The following MSH4 variants were observed in gnomAD, a reference collection of about 807,000 sequenced individuals.
MSH4 encodes the protein mutS protein homolog 4.
Under a neutral mutation model 113.7 loss-of-function variants are expected in MSH4, and 106 were observed. The observed-to-expected ratio is 0.93, with a 90% CI of 0.80 to 1.10. MSH4 has a LOEUF of 1.10. Among genes scored for constraint, MSH4 ranks in the 50% least tolerant of loss-of-function variants. The pLI is 0.00. For missense variants in MSH4, 1,061 were observed against 1,093.7 expected, an observed-to-expected ratio of 0.97 and a Z score of 0.42; for synonymous variants, 368 against 380.2, an observed-to-expected ratio of 0.97 and a Z score of 0.37.
At chr1:75,883,518 A>T in intron 14 of MSH4, 103 bp from the exon 15 acceptor site, 1 of 869,356 alleles carries the variant, frequency 1.2e-6, no homozygotes, top group Non-Finnish European at 1.7e-6. Flanking sequence ...TTCCAAATTG[A>T]CCAGTGTGAA....
intron 17 of MSH4, among the ~76,000 whole-genome samples, chr1:75,896,549 G>A (rs1652389099): frequency 6.6e-6 from 1 of 151,796 alleles, no homozygotes; most frequent in African/African-American, 2.4e-5. Context: ...ACAGGTTCAA[G>A]CATACAGTAT....
chr1:75,906,108 A>T (rs2100594883), intron 19 of MSH4, among the ~76,000 whole-genome samples: 1 of 151,950 alleles, frequency 6.6e-6, no homozygotes, highest in South Asian at 2.1e-4. Context: ...CTTCTGCCTC[A>T]GCCTCCCAAG....
chr1:75,876,015 C>T (rs755989031), intron 9 of MSH4, among the ~76,000 whole-genome samples: 3 of 151,988 alleles, frequency 2.0e-5, no homozygotes, highest in Admixed American at 1.3e-4. Flanking sequence ...ATAAAATTAC[C>T]TCAGGCTATG....
chr1:75,890,201 G>A (rs1184778837), intron 16 of MSH4, among the ~76,000 whole-genome samples: 1 of 151,966 alleles, frequency 6.6e-6, no homozygotes, highest in African/African-American at 2.4e-5. Flanking sequence ...GTCTCCATTG[G>A]TCATGGATTT....
At chr1:75,881,075 A>G (rs529683777) in intron 13 of MSH4, among the ~76,000 whole-genome samples, 171 bp from the exon 14 acceptor site, 82 of 152,146 alleles carry the variant, frequency 5.4e-4, no homozygotes, top group African/African-American at 1.1e-3. Context: ...AAAAACTTCA[A>G]TTTCCTCATC....
chr1:75,797,202 C>T lies in MSH4; in HGVS notation c.217C>T (p.Pro73Ser), dbSNP rs758393268. The T allele has an allele frequency of 6.2e-7, 1 of 1,606,732 alleles. No homozygotes were observed. The highest frequency in any genetic ancestry group is 1.1e-5 in the South Asian group (1 of 90,052). ...RSSSSSSLPC[P>S]APNSRPAQGS... The stretch of plus-strand genomic sequence containing the variant: ...CAGCAGCAGCAGCAGCCTTCCCTGC[C>T]CCGCGCCAAACTCCCGGCCAGCTCA... Residue 73 changes from proline (P) to serine (S), a missense_variant, in exon 1 of 20, where the codon CCC (proline) becomes TCC (serine). By Grantham distance (74) the Pro-to-Ser change is moderately conservative. Transcript: ENST00000263187.
At chr1:75,867,424 A>G (rs1570976865) in intron 8 of MSH4, 90 bp from the exon 9 acceptor site, 1 of 735,510 alleles carries the variant, frequency 1.4e-6, no homozygotes, top group East Asian at 2.7e-5. Context: ...TATATGGGAT[A>G]TGGAAAGAGT....
chr1:75,836,238 C>T (rs1650824479), intron 7 of MSH4, among the ~76,000 whole-genome samples: 1 of 151,780 alleles, frequency 6.6e-6, no homozygotes, highest in Non-Finnish European at 1.5e-5. Context: ...CTTCTCTGTC[C>T]TTTTCTCACT....
intron 7 of MSH4, among the ~76,000 whole-genome samples, chr1:75,845,557 C>T (rs1651058523): frequency 1.3e-5 from 2 of 152,204 alleles, no homozygotes; most frequent in East Asian, 3.9e-4. Flanking sequence ...CCATATCCCA[C>T]ATCAGGGGCA....
rs1467431530 is a variant in MSH4 at position 75,863,416 on chromosome 1, G to C, written c.1231-4098G>C. On this transcript the variant is annotated intron_variant, in intron 8 of 19. Transcript: ENST00000263187. The stretch of plus-strand genomic sequence containing the variant: ...AGGCACAAGACGCTTGGGTCAAAGA[G>C]AAATATAAACATGCTATTATCGCTT... 2.6e-5 allele frequency among the ~76,000 whole-genome samples: 4 copies of C among 152,102 alleles called. No individual in the cohort carries two copies. In the East Asian group the frequency reaches 7.7e-4, roughly 29 times the overall value.
chr1:75,833,880 A>G (rs996344329), intron 7 of MSH4, among the ~76,000 whole-genome samples: 3 of 152,232 alleles, frequency 2.0e-5, no homozygotes, highest in Non-Finnish European at 4.4e-5. Flanking sequence ...ATGGGCAAGG[A>G]CTTCATGACT....
intron 17 of MSH4, among the ~76,000 whole-genome samples, chr1:75,892,333 G>A (rs974711345): frequency 1.3e-5 from 2 of 151,936 alleles, no homozygotes; most frequent in African/African-American, 4.8e-5. Context: ...AATCACATGA[G>A]CCAGTTTCTT....
intron 19 of MSH4, 22 bp from the exon 20 acceptor site, chr1:75,912,674 A>ATAT (rs1557537442): frequency 4.4e-6 from 3 of 683,952 alleles, no homozygotes; most frequent in African/African-American, 2.2e-5. Flanking sequence ...ATATATATAT[A>ATAT]TTTTTTTTTT....
intron 7 of MSH4, among the ~76,000 whole-genome samples, chr1:75,825,375 G>A (rs1167583096): frequency 1.3e-5 from 2 of 152,046 alleles, no homozygotes; most frequent in Non-Finnish European, 2.9e-5. Flanking sequence ...TGAGACGATG[G>A]GGTTTTCTAA....
chr1:75,819,390 T>C (rs1371726137), intron 6 of MSH4, among the ~76,000 whole-genome samples: 1 of 152,164 alleles, frequency 6.6e-6, no homozygotes, highest in Non-Finnish European at 1.5e-5. Context: ...CTCAGGAGGC[T>C]GAGGCATGAG....
At chr1:75,905,995 C>A (rs1184961615) in intron 19 of MSH4, among the ~76,000 whole-genome samples, 1 of 151,554 alleles carries the variant, frequency 6.6e-6, no homozygotes, top group Non-Finnish European at 1.5e-5. Flanking sequence ...TATTTTATTT[C>A]TTTTATTTTT....
chr1:75,851,422 T>C (rs1651184479), intron 8 of MSH4, among the ~76,000 whole-genome samples: 1 of 152,146 alleles, frequency 6.6e-6, no homozygotes, highest in African/African-American at 2.4e-5. Context: ...TTTTTTATTT[T>C]ATTTTTTGGG....
chr1:75,871,118 G>A (rs1269264062), intron 9 of MSH4, among the ~76,000 whole-genome samples: 1 of 152,078 alleles, frequency 6.6e-6, no homozygotes, highest in African/African-American at 2.4e-5. Flanking sequence ...GAAGGAGAAG[G>A]GGAAACAAGG....
At chr1:75,807,640 T>A (rs2100506749) in intron 3 of MSH4, among the ~76,000 whole-genome samples, 1 of 152,354 alleles carries the variant, frequency 6.6e-6, no homozygotes, top group African/African-American at 2.4e-5. Context: ...TACTACCTTA[T>A]TATTTTATTT....
Sources: allele counts gnomAD v4.1 joint callset (sites outside exome capture counted in the v4.1 genomes callset), GRCh38; gene constraint gnomAD v4.1.1; transcripts MANE v1.5; gene names NCBI Gene and HGNC (gene_info 2026-07-23, HGNC 2026-07-21).